The following SMARCA4 variants were observed in gnomAD, a reference collection of about 807,000 sequenced individuals.
The protein encoded by SMARCA4 is SWI/SNF related BAF chromatin remodeling complex subunit ATPase 4.
A neutral mutation model predicts 193.9 loss-of-function variants in SMARCA4; 31 were observed. The observed-to-expected ratio is 0.16, with a 90% CI of 0.12 to 0.22. The LOEUF (loss-of-function observed/expected upper bound fraction) is 0.22, where lower values mean the gene tolerates loss of function less well. Among genes scored for constraint, SMARCA4 ranks in the 10% least tolerant of loss-of-function variants. The probability of loss-of-function intolerance (pLI) is 1.00; values close to 1 mark genes in which losing one functional copy is unlikely to be tolerated. For synonymous variants in SMARCA4, 942 were observed against 933.1 expected (o/e 1.01, Z -0.17); for missense variants, 1,148 against 2,296.0 (o/e 0.50, Z 10.22).
chr19:10,966,131 C>T (rs1310847514), intron 1 of SMARCA4, among the ~76,000 whole-genome samples: 4 of 151,590 alleles, frequency 2.6e-5, no homozygotes, highest in South Asian at 2.1e-4. Flanking sequence ...TACAGGTGCC[C>T]GCCACCATGC....
At chr19:11,003,729 T>G (rs1465259043) in intron 13 of SMARCA4, among the ~76,000 whole-genome samples, 2 of 151,174 alleles carry the variant, frequency 1.3e-5, no homozygotes, top group Admixed American at 6.6e-5. Context: ...TTTTTTTTTT[T>G]GAAACGGAGT....
chr19:11,060,576 T>G, intron 34 of SMARCA4: 1 of 330,958 alleles, frequency 3.0e-6, no homozygotes, highest in South Asian at 3.4e-5. Flanking sequence ...GTCTCCTCAG[T>G]GGCATAGAGA....
rs2145790067 is a variant in SMARCA4, at chr19:10,986,675, G to A, written c.760+82G>A. ...TGGCGGGGTGGACAGACCGTGCTCT[G>A]TTGCCGACTGGGTTCCCCGGTTTGG... On this transcript the variant is annotated intron_variant, in intron 4 of 34. Coordinates refer to ENST00000344626, the MANE Select transcript of SMARCA4 (RefSeq NM_003072.5). This position sits in a 1 kb window ranked among gnomAD's most constrained non-coding sequence, Gnocchi z 6.7. 6.5e-7 allele frequency: 1 copy of A among 1,528,474 alleles called. No individual in the cohort carries two copies. Among genetic ancestry groups the A allele is most frequent in the South Asian group, 1.2e-5 (1 of 83,570 alleles). The allele number at this position is 1,528,474 out of a possible 1,614,324, so 94.7% of individuals were successfully genotyped here.
chr19:11,005,524 C>T (rs1287753231), intron 13 of SMARCA4, among the ~76,000 whole-genome samples: 1 of 152,210 alleles, frequency 6.6e-6, no homozygotes, highest in Non-Finnish European at 1.5e-5. Context: ...CTCCCTGGCA[C>T]TTATGCTTTG....
At chr19:11,004,055 T>C (rs1396560149) in intron 13 of SMARCA4, among the ~76,000 whole-genome samples, 1 of 147,362 alleles carries the variant, frequency 6.8e-6, no homozygotes, top group East Asian at 2.0e-4. Context: ...CTTGCTGTGT[T>C]GCCCAGGCTG....
At chr19:11,009,315 T>G (rs1233970276) in intron 14 of SMARCA4, among the ~76,000 whole-genome samples, 3 of 151,916 alleles carry the variant, frequency 2.0e-5, no homozygotes, top group Non-Finnish European at 4.4e-5. Flanking sequence ...CCACCGCACC[T>G]GGCCAGAGTT....
intron 21 of SMARCA4, among the ~76,000 whole-genome samples, 166 bp from the exon 22 acceptor site, chr19:11,025,256 C>T (rs942986515): frequency 3.9e-5 from 6 of 152,142 alleles, no homozygotes; most frequent in African/African-American, 1.2e-4. Flanking sequence ...TGGGGGCCTC[C>T]GGGCCTCCAG....
Position 10,984,452 on chromosome 19 carries a change from A to C in SMARCA4, c.222+79A>C, listed in dbSNP as rs1456002504. ...AGGCAGCCTCTGGACCGAGGGCCTT[A>C]CTTGGAGGATGGGGGGAAGCCTTCT... On this transcript the variant is annotated intron_variant, in intron 2 of 34. Coordinates refer to ENST00000344626, the MANE Select transcript of SMARCA4 (RefSeq NM_003072.5). The surrounding 1 kb of genome is among the most constrained non-coding windows in gnomAD (Gnocchi z 4.3). 3.9e-6 allele frequency: 6 copies of C among 1,548,260 alleles called. No homozygotes were observed. Among genetic ancestry groups the C allele is most frequent in the African/African-American group, 1.4e-5 (1 of 72,990 alleles).
chr19:11,016,251 C>T (rs143269165), intron 16 of SMARCA4, among the ~76,000 whole-genome samples: 2 of 151,970 alleles, frequency 1.3e-5, no homozygotes, highest in Non-Finnish European at 2.9e-5. Flanking sequence ...CAGTACAGGC[C>T]GTTCACGAGG....
intron 1 of SMARCA4, among the ~76,000 whole-genome samples, chr19:10,982,439 A>G (rs567576965): frequency 6.6e-6 from 1 of 152,160 alleles, no homozygotes; most frequent in East Asian, 1.9e-4. Flanking sequence ...ACGCCATTGC[A>G]CTCCAGCCTG....
In SMARCA4 at chr19:11,018,953, T is replaced by G; in HGVS notation, c.2439-4T>G. ...ACTTGACTCTCATTTCCTTGTTCCA[T>G]CAGAACGCTGTCCAACTGGGCGTAC... On this transcript the variant is annotated splice_polypyrimidine_tract_variant and splice_region_variant and intron_variant, in intron 16 of 34. Transcript: ENST00000344626. 1 of 1,613,462 alleles carries G rather than the reference T, an allele frequency of 6.2e-7. No individual in the cohort carries two copies. Among genetic ancestry groups the G allele is most frequent in the Non-Finnish European group, 8.5e-7 (1 of 1,179,322 alleles).
chr19:10,993,213 T>C (rs1401285112), intron 8 of SMARCA4, among the ~76,000 whole-genome samples: 1 of 151,674 alleles, frequency 6.6e-6, no homozygotes, highest in African/African-American at 2.4e-5. Context: ...CTTGAACTCC[T>C]GACCTCAAGT....
At chr19:11,011,752 G>A (rs2088868921) in intron 15 of SMARCA4, 1 of 152,200 alleles carries the variant, frequency 6.6e-6, no homozygotes, top group Non-Finnish European at 1.5e-5. Flanking sequence ...TAGTTGGGCG[G>A]CTTAGGTGGG....
chr19:10,989,514 T>C (rs1349966069), intron 7 of SMARCA4, 71 bp downstream of exon 7: 2 of 1,579,230 alleles, frequency 1.3e-6, no homozygotes, highest in Non-Finnish European at 1.7e-6. Context: ...AGGCTCCAAA[T>C]ACGGCTTGCC....
chr19:11,030,319 C>T lies in SMARCA4; in HGVS notation c.3383-411C>T, dbSNP rs965019977. Among the ~76,000 whole-genome samples the T allele has an allele frequency of 1.3e-5, 2 of 152,238 alleles. No individual in the cohort carries two copies. The highest frequency in any genetic ancestry group is 6.5e-5 in the Admixed American group (1 of 15,288). ...CCCAGGTCCCTTGTGTTGCGAGCGGCGGTGTTGCCGGCATTGGCCGCTGTG... is the reference window on the plus strand; with the variant it reads ...CCCAGGTCCCTTGTGTTGCGAGCGGTGGTGTTGCCGGCATTGGCCGCTGTG... On this transcript the variant is annotated intron_variant, in intron 24 of 34. Coordinates refer to ENST00000344626, the MANE Select transcript of SMARCA4 (RefSeq NM_003072.5). This position sits in a 1 kb window ranked among gnomAD's most constrained non-coding sequence, Gnocchi z 5.5.
chr19:11,007,793 G>C (rs2088377418), intron 13 of SMARCA4, 109 bp from the exon 14 acceptor site: 1 of 1,063,954 alleles, frequency 9.4e-7, no homozygotes, highest in Non-Finnish European at 1.4e-6. Context: ...GGTAGAGGGG[G>C]TGAGGGCTGT....
intron 16 of SMARCA4, chr19:11,018,324 G>T (rs1301916479): frequency 5.3e-6 from 1 of 188,438 alleles, no homozygotes; most frequent in Admixed American, 5.3e-5. Context: ...CTAGGCTGTC[G>T]GTCTCAGGTG....
chr19:11,056,029 A>G (rs1366617852), intron 30 of SMARCA4, among the ~76,000 whole-genome samples: 2 of 152,168 alleles, frequency 1.3e-5, no homozygotes, highest in Non-Finnish European at 1.5e-5. Context: ...GCTGTGCCTT[A>G]TTGTAACAGG....
At chr19:11,042,390 G>A (rs2075669469) in intron 30 of SMARCA4, among the ~76,000 whole-genome samples, 1 of 152,350 alleles carries the variant, frequency 6.6e-6, no homozygotes, top group East Asian at 1.9e-4. Context: ...ACAGAGCTGG[G>A]CAGGAGCCAG....
Sources: allele counts gnomAD v4.1 joint callset (sites outside exome capture counted in the v4.1 genomes callset), GRCh38; gene constraint gnomAD v4.1.1; non-coding constraint Gnocchi (gnomAD v3.1); transcripts MANE v1.5; gene names NCBI Gene and HGNC (gene_info 2026-07-23, HGNC 2026-07-21).